The following SLC39A11 variants were observed in gnomAD, a reference collection of about 807,000 sequenced individuals.
The protein encoded by SLC39A11 is zinc transporter ZIP11.
SLC39A11 carries 33 observed loss-of-function variants against 36.1 expected under a neutral mutation model. That is an observed-to-expected ratio of 0.91 (90% CI 0.69 to 1.22). The LOEUF (loss-of-function observed/expected upper bound fraction) is 1.22, where lower values mean the gene tolerates loss of function less well. Among genes scored for constraint, SLC39A11 ranks in the 50% most tolerant of loss-of-function variants. The pLI is 0.00. For missense variants in SLC39A11, 432 were observed against 430.3 expected (o/e 1.00, Z -0.03); for synonymous variants, 166 against 170.3 (o/e 0.97, Z 0.20).
rs5821931 is a variant in SLC39A11, at chr17:72,902,951, G to GAA, written c.430+44799_430+44800dup. Among the ~76,000 whole-genome samples, 8 of 151,776 alleles carry GAA rather than the reference G, an allele frequency of 5.3e-5. No individual in the cohort carries two copies. In the South Asian group the frequency reaches 6.2e-4, roughly 12 times the overall value. ...AGTCAAAGATGATAAATTGTAGTTA[G>GAA]AAAAAAAAGTCATTAAGAAATTCCA... On this transcript the variant is annotated intron_variant, in intron 5 of 9. Coordinates refer to ENST00000255559, the MANE Select transcript of SLC39A11 (RefSeq NM_139177.4).
chr17:72,793,231 G>A (rs2076775717), intron 6 of SLC39A11, among the ~76,000 whole-genome samples: 1 of 152,152 alleles, frequency 6.6e-6, no homozygotes, highest in Non-Finnish European at 1.5e-5. Flanking sequence ...TACACCCTGA[G>A]ACAGAGAAGC....
chr17:73,038,835 C>G lies in SLC39A11; in HGVS notation c.148-7121G>C, dbSNP rs1346131841. Among the ~76,000 whole-genome samples the G allele has an allele frequency of 3.3e-5, 5 of 150,860 alleles. No homozygotes were observed. In the East Asian group the frequency reaches 7.8e-4, roughly 24 times the overall value. Reference sequence around the variant, plus strand: ...ACGAGTTGAGGTTGAGACTACTGGCCTACCCAACCGTTAGGGACCCCATTT... The same window carrying G: ...ACGAGTTGAGGTTGAGACTACTGGCGTACCCAACCGTTAGGGACCCCATTT... On this transcript the variant is annotated intron_variant, in intron 3 of 9. Coordinates refer to ENST00000255559, the MANE Select transcript of SLC39A11 (RefSeq NM_139177.4).
chr17:73,091,887 T>G (rs1226994941), intron 1 of SLC39A11: 1 of 152,226 alleles, frequency 6.6e-6, no homozygotes, highest in Admixed American at 6.5e-5. Flanking sequence ...TTATTTCCTT[T>G]CTCCCCCTTT....
chr17:72,956,980 T>A (rs1462681931), intron 4 of SLC39A11, among the ~76,000 whole-genome samples: 1 of 152,068 alleles, frequency 6.6e-6, no homozygotes, highest in Non-Finnish European at 1.5e-5. Context: ...TGGTGGCTCA[T>A]CGAGGGGCTG....
intron 7 of SLC39A11, among the ~76,000 whole-genome samples, chr17:72,714,166 G>A (rs971741712): frequency 6.6e-6 from 1 of 152,118 alleles, no homozygotes; most frequent in African/African-American, 2.4e-5. Flanking sequence ...GACCAGCCTG[G>A]CCAACATGGT....
chr17:72,893,476 T>C (rs1382488620), intron 5 of SLC39A11, among the ~76,000 whole-genome samples: 2 of 152,002 alleles, frequency 1.3e-5, no homozygotes, highest in Non-Finnish European at 2.9e-5. Context: ...AAAATATATA[T>C]ATATAGATAC....
intron 5 of SLC39A11, among the ~76,000 whole-genome samples, chr17:72,883,548 A>C (rs764409985): frequency 4.6e-5 from 7 of 151,744 alleles, no homozygotes; most frequent in Non-Finnish European, 1.0e-4. Flanking sequence ...GAATCTGGGA[A>C]GGCAGGTTCT....
chr17:72,773,644 T>TATACACACACACAC (rs2076026461), intron 6 of SLC39A11, among the ~76,000 whole-genome samples: 2 of 78,814 alleles, frequency 2.5e-5, no homozygotes, highest in African/African-American at 6.8e-5. Context: ...GAGACCATCT[T>TATACACACACACAC]ACACACACAC....
chr17:72,932,063 G>C (rs1381265838), intron 5 of SLC39A11, among the ~76,000 whole-genome samples: 1 of 152,084 alleles, frequency 6.6e-6, no homozygotes, highest in Non-Finnish European at 1.5e-5. Context: ...TGTACATCCA[G>C]GCTCCATGAG....
At position 72,687,257 on chromosome 17, in the gene SLC39A11, G is replaced by A. The variant is rs144620450; in HGVS notation, c.672-37989C>T. Among the ~76,000 whole-genome samples the A allele has an allele frequency of 2.1e-4, 32 of 151,900 alleles. 1 individual carries two copies. In the East Asian group the frequency reaches 6.2e-3, roughly 29 times the overall value. On this transcript the variant is annotated intron_variant, in intron 7 of 9. Coordinates refer to ENST00000255559, the MANE Select transcript of SLC39A11 (RefSeq NM_139177.4). ...CGTTGCCCAGGCTGGCAAACTCTTG[G>A]GTAGGAGCATTTTTTTTTTAGACAG...
intron 5 of SLC39A11, among the ~76,000 whole-genome samples, chr17:72,932,378 T>A (rs2084459183): frequency 6.6e-6 from 1 of 151,900 alleles, no homozygotes; most frequent in Non-Finnish European, 1.5e-5. Context: ...CATGCCATGG[T>A]GGTTTGCTGC....
At chr17:72,942,447 C>T (rs1266274862) in intron 5 of SLC39A11, among the ~76,000 whole-genome samples, 1 of 152,080 alleles carries the variant, frequency 6.6e-6, no homozygotes, top group East Asian at 1.9e-4. Flanking sequence ...AATAAAAAGT[C>T]AAAATTAATA....
At chr17:72,780,531 T>TG (rs2076280237) in intron 6 of SLC39A11, among the ~76,000 whole-genome samples, 2 of 63,372 alleles carry the variant, frequency 3.2e-5, no homozygotes, top group Non-Finnish European at 6.6e-5. Context: ...GGGGGGCGGG[T>TG]GGGGGCACAA....
chr17:73,050,820 T>TGAAAGGGAAAA (rs1568191093), intron 3 of SLC39A11, among the ~76,000 whole-genome samples: 2 of 151,868 alleles, frequency 1.3e-5, no homozygotes, highest in Admixed American at 6.6e-5. Context: ...AGGGAAGGGA[T>TGAAAGGGAAAA]GGAGTGGGCA....
chr17:72,931,868 G>A (rs978659725), intron 5 of SLC39A11, among the ~76,000 whole-genome samples: 1 of 152,106 alleles, frequency 6.6e-6, no homozygotes, highest in Non-Finnish European at 1.5e-5. Context: ...AGGCAAGGGG[G>A]AAGATGAACA....
At chr17:72,967,519 G>A (rs1210278421) in intron 4 of SLC39A11, among the ~76,000 whole-genome samples, 1 of 152,030 alleles carries the variant, frequency 6.6e-6, no homozygotes, top group African/African-American at 2.4e-5. Context: ...GCAAAAGAGG[G>A]TGGTATGTCC....
At chr17:72,726,509 TACACACACACACAA>T (rs1567990528) in intron 7 of SLC39A11, among the ~76,000 whole-genome samples, 1 of 151,802 alleles carries the variant, frequency 6.6e-6, no homozygotes, top group African/African-American at 2.4e-5. Flanking sequence ...AGATCCTGTC[TACACACACACACAA>T]ACACACACAC....
At chr17:72,788,383 T>G (rs1289554023) in intron 6 of SLC39A11, among the ~76,000 whole-genome samples, 1 of 152,226 alleles carries the variant, frequency 6.6e-6, no homozygotes, top group African/African-American at 2.4e-5. Context: ...GAGAATGACA[T>G]GACATTAGCA....
At chr17:72,694,166 G>A (rs956378771) in intron 7 of SLC39A11, among the ~76,000 whole-genome samples, 1 of 152,214 alleles carries the variant, frequency 6.6e-6, no homozygotes, top group African/African-American at 2.4e-5. Flanking sequence ...CGGTGGGTGA[G>A]GCAGGGTGGC....
Sources: allele counts gnomAD v4.1 joint callset (sites outside exome capture counted in the v4.1 genomes callset), GRCh38; gene constraint gnomAD v4.1.1; transcripts MANE v1.5; gene names NCBI Gene and HGNC (gene_info 2026-07-23, HGNC 2026-07-21).